NRXN3: variants seen among roughly 807,000 people sequenced by gnomAD.
The protein encoded by NRXN3 is neurexin III.
Under a neutral mutation model 137.6 loss-of-function variants are expected in NRXN3, and 32 were observed. The ratio of observed to expected loss-of-function variants is 0.23; its 90% CI spans 0.18 to 0.31. The LOEUF (loss-of-function observed/expected upper bound fraction) is 0.31. Among genes scored for constraint, NRXN3 ranks in the 10% least tolerant of loss-of-function variants. NRXN3 has a pLI of 1.00. For synonymous variants in NRXN3, 798 were observed against 784.5 expected (o/e 1.02, Z -0.29); for missense variants, 1,574 against 2,062.5 (o/e 0.76, Z 4.59).
At chr14:78,941,803 C>T (rs896185480) in intron 10 of NRXN3, among the ~76,000 whole-genome samples, 2 of 152,208 alleles carry the variant, frequency 1.3e-5, no homozygotes, top group East Asian at 3.8e-4. Flanking sequence ...GTCATTATCC[C>T]CGCTGGTCTC....
intron 8 of NRXN3, among the ~76,000 whole-genome samples, chr14:78,732,257 T>C (rs1024450817): frequency 3.3e-5 from 5 of 152,122 alleles, no homozygotes; most frequent in Admixed American, 6.5e-5. Context: ...AAGCCCAACA[T>C]AGGGTGGTTT....
intron 4 of NRXN3, among the ~76,000 whole-genome samples, chr14:78,368,630 G>A (rs1284846362): frequency 1.3e-5 from 2 of 152,192 alleles, no homozygotes; most frequent in African/African-American, 4.8e-5. Flanking sequence ...AGGAGGTGGA[G>A]GTTGCAGTGA....
chr14:79,374,963 A>T (rs1288135659), intron 15 of NRXN3, among the ~76,000 whole-genome samples: 2 of 152,148 alleles, frequency 1.3e-5, no homozygotes, highest in Non-Finnish European at 2.9e-5. Context: ...CAGCATCCAA[A>T]AAATCCACAG....
chr14:78,849,407 G>A (rs1200800742), intron 10 of NRXN3, among the ~76,000 whole-genome samples: 1 of 152,042 alleles, frequency 6.6e-6, no homozygotes, highest in Non-Finnish European at 1.5e-5. Context: ...AAGGACCAAT[G>A]GCAGGAGAAT....
intron 4 of NRXN3, among the ~76,000 whole-genome samples, chr14:78,307,680 A>C (rs73312516): frequency 5.6e-4 from 85 of 152,246 alleles, no homozygotes; most frequent in African/African-American, 1.9e-3. Flanking sequence ...TATGCTTTGT[A>C]AAAAGCCAGA....
chr14:79,004,206 T>G (rs1353297196), intron 15 of NRXN3, among the ~76,000 whole-genome samples: 1 of 152,200 alleles, frequency 6.6e-6, no homozygotes, highest in Non-Finnish European at 1.5e-5. Context: ...AAAATGTGAT[T>G]CATTTACTTC....
At chr14:78,711,730 T>A (rs4903789) in intron 7 of NRXN3, among the ~76,000 whole-genome samples, 1 of 152,074 alleles carries the variant, frequency 6.6e-6, no homozygotes, top group African/African-American at 2.4e-5. Context: ...AGTAAGCCAC[T>A]GTGCCAGGCC....
chr14:79,172,183 C>T (rs1185690229), intron 15 of NRXN3, among the ~76,000 whole-genome samples: 1 of 107,796 alleles, frequency 9.3e-6, no homozygotes, highest in Non-Finnish European at 2.3e-5. Context: ...GAAACAATAA[C>T]TTGCTAGGGA....
chr14:79,415,499 G>T (rs1299869282), intron 15 of NRXN3, among the ~76,000 whole-genome samples: 1 of 152,112 alleles, frequency 6.6e-6, no homozygotes, highest in African/African-American at 2.4e-5. Flanking sequence ...TCATGGGAGG[G>T]TCTTGAACAT....
chr14:78,695,467 C>T (rs1436208311), intron 6 of NRXN3: 2 of 151,854 alleles, frequency 1.3e-5, no homozygotes, highest in African/African-American at 2.4e-5. Flanking sequence ...ACTGATGGTC[C>T]GTTGAAAAAA....
intron 7 of NRXN3, 81 bp downstream of exon 7, chr14:78,709,736 A>C: frequency 1.6e-6 from 2 of 1,264,670 alleles, no homozygotes; most frequent in Non-Finnish European, 2.2e-6. Context: ...ATGTTTCTTA[A>C]TTTTCACCCT....
chr14:79,854,200 T>C, intron 20 of NRXN3: 1 of 964,524 alleles, frequency 1.0e-6, no homozygotes, highest in Non-Finnish European at 1.2e-6. Context: ...CCAAAAAACA[T>C]GCGGGCAATT....
chr14:78,309,416 G>T (rs140539160), intron 4 of NRXN3, among the ~76,000 whole-genome samples: 1 of 151,818 alleles, frequency 6.6e-6, no homozygotes, highest in Admixed American at 6.6e-5. Flanking sequence ...CATTGTACCC[G>T]ATAGGTAGTT....
intron 8 of NRXN3, among the ~76,000 whole-genome samples, chr14:78,788,738 C>A (rs961129511): frequency 1.3e-5 from 2 of 152,146 alleles, no homozygotes; most frequent in African/African-American, 4.8e-5. Context: ...TAAATCTTAC[C>A]TTTATTAAAC....
intron 16 of NRXN3, among the ~76,000 whole-genome samples, chr14:79,470,769 A>G (rs554886577): frequency 2.0e-5 from 3 of 152,256 alleles, no homozygotes; most frequent in Admixed American, 6.5e-5. Flanking sequence ...ATAAAAACCT[A>G]AAGTACTTTG....
intron 10 of NRXN3, among the ~76,000 whole-genome samples, chr14:78,930,165 C>G (rs755484481): frequency 7.9e-5 from 12 of 152,070 alleles, no homozygotes; most frequent in Non-Finnish European, 1.6e-4. Flanking sequence ...AGTAATAGAC[C>G]AATGTCAGTG....
At chr14:78,284,110 A>C (rs1037260691) in intron 3 of NRXN3, among the ~76,000 whole-genome samples, 3 of 152,184 alleles carry the variant, frequency 2.0e-5, no homozygotes, top group Admixed American at 1.3e-4. Flanking sequence ...GTGAAAGGAA[A>C]ATAAATCTTG....
intron 15 of NRXN3, among the ~76,000 whole-genome samples, chr14:79,418,855 AC>A (rs2095535159): frequency 6.6e-6 from 1 of 152,218 alleles, no homozygotes; most frequent in Non-Finnish European, 1.5e-5. Flanking sequence ...TGCATCTGCC[AC>A]AGTGAGATCA....
chr14:79,768,366 T>G (rs1209711277), intron 19 of NRXN3, among the ~76,000 whole-genome samples: 1 of 152,190 alleles, frequency 6.6e-6, no homozygotes, highest in Admixed American at 6.5e-5. Context: ...CAGACTTAAG[T>G]ATCCCTGTCT....
Sources: allele counts gnomAD v4.1 joint callset (sites outside exome capture counted in the v4.1 genomes callset), GRCh38; gene constraint gnomAD v4.1.1; transcripts MANE v1.5; gene names NCBI Gene and HGNC (gene_info 2026-07-23, HGNC 2026-07-21).